MED6: variants seen among roughly 807,000 people sequenced by gnomAD.
MED6 encodes the protein mediator complex subunit 6.
Under a neutral mutation model 37.5 loss-of-function variants are expected in MED6, and 33 were observed. The observed-to-expected ratio is 0.88, with a 90% CI of 0.67 to 1.18. The LOEUF is 1.18. Among genes scored for constraint, MED6 ranks in the 50% most tolerant of loss-of-function variants. The pLI is 0.00. For synonymous variants in MED6, 94 were observed against 93.6 expected (o/e 1.00, Z -0.02); for missense variants, 235 against 290.6 (o/e 0.81, Z 1.39).
rs141912698 is a variant in MED6 at position 70,589,592 on chromosome 14, AT to A, written c.582+1673del. ...TGGTCTGCCTTTGGTTATGATAGCT[AT>A]TGGTTTAAAACTTAAAATAACTCTG... On this transcript the variant is annotated intron_variant, in intron 6 of 7. Transcript: ENST00000256379. Among the ~76,000 whole-genome samples the A allele has an allele frequency of 7.7e-3, 1,176 of 152,334 alleles. 16 individuals carry two copies. The highest frequency in any genetic ancestry group is 0.022 in the African/African-American group (923 of 41,572).
intron 7 of MED6, 77 bp from the exon 8 acceptor site, chr14:70,585,020 C>G (rs1884663471): frequency 2.7e-6 from 4 of 1,465,432 alleles, no homozygotes; most frequent in Non-Finnish European, 3.7e-6. Context: ...ATGAATGGCT[C>G]ACATTTTCAA....
rs1566678062 is a variant in MED6 at position 70,596,616 on chromosome 14, G to C, written c.269C>G (p.Ala90Gly). 6.2e-7 allele frequency: 1 copy of C among 1,611,044 alleles called. No homozygotes were observed. The highest frequency in any genetic ancestry group is 8.5e-7 in the Non-Finnish European group (1 of 1,177,394). The change falls in exon 3 of 8, where the codon GCC (alanine) becomes GGC (glycine). Residue 90 changes from alanine to glycine, a missense_variant. Coordinates refer to ENST00000256379, the MANE Select transcript of MED6 (RefSeq NM_005466.4). ...IIRKQQRQSP[A>G]QVIPLADYYI... Reference sequence around the variant, plus strand: ...CTAAAGTTTACACATTTTACCTTGGGCAGGGGACTGCCGCTGTTGCTTCCG... The same window carrying C: ...CTAAAGTTTACACATTTTACCTTGGCCAGGGGACTGCCGCTGTTGCTTCCG...
Position 70,593,394 on chromosome 14 carries a change from A to G in MED6, c.275-16T>C, listed in dbSNP as rs1245324246. 3 of 1,589,708 alleles carry G rather than the reference A, an allele frequency of 1.9e-6. No individual in the cohort carries two copies. The highest frequency in any genetic ancestry group is 2.7e-5 in the African/African-American group (2 of 74,342). On this transcript the variant is annotated splice_polypyrimidine_tract_variant and intron_variant, in intron 3 of 7. Coordinates refer to ENST00000256379, the MANE Select transcript of MED6 (RefSeq NM_005466.4). ...AGTGGGATAACTAAAACAGTGGGAA[A>G]AAAGGTTTATAAATACAGCTATGGA...
chr14:70,591,123 T>C, intron 6 of MED6, 143 bp downstream of exon 6: 1 of 627,140 alleles, frequency 1.6e-6, no homozygotes, highest in Non-Finnish European at 2.7e-6. Context: ...TTTCGAAACC[T>C]TTCCTTTGAT....
chr14:70,585,631 G>A (rs1386194638), intron 7 of MED6, 125 bp downstream of exon 7: 2 of 659,560 alleles, frequency 3.0e-6, no homozygotes, highest in Non-Finnish European at 4.6e-6. Flanking sequence ...TTCTTCCAAT[G>A]AGACCCAGCC....
intron 7 of MED6, among the ~76,000 whole-genome samples, 187 bp downstream of exon 7, chr14:70,585,569 T>TTC (rs1555358522): frequency 4.6e-5 from 7 of 151,644 alleles, no homozygotes; most frequent in Admixed American, 4.6e-4. Flanking sequence ...TTTTTTTTTT[T>TTC]CAGCTCATCA....
At chr14:70,599,612 C>A (rs1280316787) in intron 1 of MED6, among the ~76,000 whole-genome samples, 2 of 152,222 alleles carry the variant, frequency 1.3e-5, no homozygotes, top group Non-Finnish European at 2.9e-5. Flanking sequence ...TCACTACCCT[C>A]CAGCCACACT....
At chr14:70,597,996 A>G (rs1225752840) in intron 1 of MED6, among the ~76,000 whole-genome samples, 1 of 152,134 alleles carries the variant, frequency 6.6e-6, no homozygotes, top group Non-Finnish European at 1.5e-5. Context: ...TGTCTCTACT[A>G]AAAATACAAA....
chr14:70,595,357 A>AT (rs1885012332), intron 3 of MED6: 1 of 561,430 alleles, frequency 1.8e-6, no homozygotes, highest in African/African-American at 1.8e-5. Context: ...TGGTCTCAGC[A>AT]GATTGAGGAG....
In MED6 at chr14:70,592,870, T is replaced by C; in HGVS notation, c.466+10A>G. ...AAAGTGTTTTAGGAGGGTATGGATG[T>C]TCTACTTACCTTGCTCTTCATGATC... On this transcript the variant is annotated intron_variant, in intron 5 of 7. Transcript: ENST00000256379. The C allele has an allele frequency of 6.2e-7, 1 of 1,613,398 alleles. No individual in the cohort carries two copies. The highest frequency in any genetic ancestry group is 8.5e-7 in the Non-Finnish European group (1 of 1,179,628).
intron 2 of MED6, 55 bp from the exon 3 acceptor site, chr14:70,596,757 A>G (rs984870021): frequency 4.1e-6 from 5 of 1,218,570 alleles, no homozygotes; most frequent in South Asian, 3.8e-5. Flanking sequence ...AAATAATTTT[A>G]TAAGACATTC....
At chr14:70,594,502 G>A in intron 3 of MED6, 1 of 320,414 alleles carries the variant, frequency 3.1e-6, no homozygotes, top group Non-Finnish European at 6.2e-6. Flanking sequence ...GTTAATTGTG[G>A]TCATCAGCAA....
intron 6 of MED6, 135 bp from the exon 7 acceptor site, chr14:70,585,918 T>C: frequency 1.6e-6 from 1 of 643,298 alleles, no homozygotes; most frequent in Non-Finnish European, 2.6e-6. Flanking sequence ...CAAATGACTT[T>C]GTGAAGAAAA....
intron 3 of MED6, chr14:70,595,869 A>G (rs573185814): frequency 4.8e-6 from 3 of 619,464 alleles, no homozygotes; most frequent in Non-Finnish European, 8.7e-6. Flanking sequence ...CAGGAGGCCA[A>G]TAAAAAGTTC....
rs368127319 is a variant in MED6, at chr14:70,584,857, C to T, written c.697G>A (p.Val233Met). 25 of 1,614,056 alleles carry T rather than the reference C, an allele frequency of 1.5e-5. No individual in the cohort carries two copies. In the African/African-American group the frequency reaches 2.7e-4, roughly 17 times the overall value. The part of the protein sequence containing the change: ...KETTKNVQQT[V>M]SAKGPPEKRM... Reference sequence around the variant, plus strand: ...TTTTCAGGGGGGCCTTTAGCACTCACTGTCTGTTGTACATTCTTTGTGGTC... The same window carrying T: ...TTTTCAGGGGGGCCTTTAGCACTCATTGTCTGTTGTACATTCTTTGTGGTC... Residue 233 changes from valine (V) to methionine (M), a missense_variant, in exon 8 of 8, where the codon GTG becomes ATG. Val to Met is a conservative substitution (Grantham distance 21). Coordinates refer to ENST00000256379, the MANE Select transcript of MED6 (RefSeq NM_005466.4).
intron 1 of MED6, among the ~76,000 whole-genome samples, chr14:70,598,239 G>C (rs904336065): frequency 6.6e-6 from 1 of 152,058 alleles, no homozygotes; most frequent in African/African-American, 2.4e-5. Context: ...GGAGATTGTG[G>C]TGAGACGAGA....
At chr14:70,589,129 T>G (rs866020029) in intron 6 of MED6, among the ~76,000 whole-genome samples, 19 of 152,188 alleles carry the variant, frequency 1.2e-4, no homozygotes, top group African/African-American at 4.1e-4. Context: ...CAAAATCTGT[T>G]TCTTTCCCTG....
chr14:70,595,518 G>A lies in MED6; in HGVS notation c.274+1093C>T. The A allele has an allele frequency of 7.3e-6, 5 of 682,698 alleles. 1 individual carries two copies. The South Asian group carries it at 7.4e-5, about 10-fold the overall frequency. 42.3% of individuals were successfully genotyped at this position (682,698 alleles called of 1,614,324 possible). A position where few individuals can be genotyped will look rare whatever the true frequency, so the allele number is the denominator to read the frequency against. ...CTTGGAGAACAGCCTGAGGGAGGTG[G>A]AGGCCTGCTATACCCTGCAGATGGA... On this transcript the variant is annotated intron_variant, in intron 3 of 7. Transcript: ENST00000256379.
At position 70,593,137 on chromosome 14, in the gene MED6, A is replaced by G. The variant is rs1051135787; in HGVS notation, c.358-149T>C. The G allele has an allele frequency of 3.9e-6, 5 of 1,293,384 alleles. No homozygotes were observed. The South Asian group carries it at 7.0e-5, about 18-fold the overall frequency. 80.1% of individuals were successfully genotyped at this position (1,293,384 alleles called of 1,614,324 possible). ...AATTGAGACTATGAAATATACTTTG[A>G]GCACCGACTTGGCTCACAGTAACCA... is the stretch of plus-strand genomic sequence containing the variant. On this transcript the variant is annotated intron_variant, in intron 4 of 7. Coordinates refer to ENST00000256379, the MANE Select transcript of MED6 (RefSeq NM_005466.4).
Sources: gnomAD v4.1 joint callset for allele counts (sites outside exome capture counted in the v4.1 genomes callset) on GRCh38, gnomAD v4.1.1 for gene constraint, MANE v1.5 for transcripts, NCBI Gene and HGNC (gene_info 2026-07-23, HGNC 2026-07-21) for gene names.